CDH4: variants seen among roughly 807,000 people sequenced by gnomAD.
CDH4 encodes cadherin 4.
Under a neutral mutation model 86.0 loss-of-function variants are expected in CDH4, and 33 were observed. That is an observed-to-expected ratio of 0.38 (90% CI 0.29 to 0.51). The LOEUF (loss-of-function observed/expected upper bound fraction) is 0.51. Ranked by LOEUF, CDH4 falls within the 20% of genes least tolerant of loss-of-function variation. The pLI is 0.86. For synonymous variants in CDH4, 555 were observed against 549.4 expected (o/e 1.01, Z -0.14); for missense variants, 1,114 against 1,307.4 (o/e 0.85, Z 2.28).
At chr20:61,514,016 T>C (rs2085799131) in intron 2 of CDH4, among the ~76,000 whole-genome samples, 1 of 152,256 alleles carries the variant, frequency 6.6e-6, no homozygotes, top group African/African-American at 2.4e-5. Flanking sequence ...ACCTCCTGGC[T>C]GGCTTACAAG....
chr20:61,450,180 A>C (rs907194238), intron 2 of CDH4, among the ~76,000 whole-genome samples: 1 of 152,194 alleles, frequency 6.6e-6, no homozygotes, highest in African/African-American at 2.4e-5. Flanking sequence ...TGTTTAACCC[A>C]AGTCTGGTTC....
intron 2 of CDH4, among the ~76,000 whole-genome samples, chr20:61,387,192 A>T (rs2084956263): frequency 6.6e-6 from 1 of 152,182 alleles, no homozygotes; most frequent in Admixed American, 6.5e-5. Context: ...ACACAGACAC[A>T]CACACACAAA....
rs529808600 is a variant in CDH4, at chr20:61,562,784, G to C, written c.170-180779G>C. On this transcript the variant is annotated intron_variant, in intron 2 of 15. Transcript: ENST00000614565. ...AGCTTTAATTTAAAAAGTTAAATCG[G>C]CTCTCTTTATATGTAAATCGTGGTT... is the stretch of plus-strand genomic sequence containing the variant. Among the ~76,000 whole-genome samples, 33 of 152,306 alleles carry C rather than the reference G, an allele frequency of 2.2e-4. 1 individual carries two copies. The highest frequency in any genetic ancestry group is 2.0e-3 in the Admixed American group (30 of 15,304).
At chr20:61,458,265 T>C (rs1460637503) in intron 2 of CDH4, among the ~76,000 whole-genome samples, 1 of 151,814 alleles carries the variant, frequency 6.6e-6, no homozygotes, top group Non-Finnish European at 1.5e-5. Flanking sequence ...TTGATGACAG[T>C]GCTGATGCTG....
intron 2 of CDH4, among the ~76,000 whole-genome samples, chr20:61,365,422 C>T (rs938019370): frequency 6.6e-6 from 1 of 152,046 alleles, no homozygotes; most frequent in Admixed American, 6.6e-5. Context: ...CTGAGTGGCT[C>T]ATAGTCAACA....
chr20:61,479,367 A>G (rs2085556929), intron 2 of CDH4, among the ~76,000 whole-genome samples: 1 of 151,054 alleles, frequency 6.6e-6, no homozygotes, highest in African/African-American at 2.4e-5. Context: ...CCACCCCACA[A>G]CAGGCCCCGG....
intron 2 of CDH4, among the ~76,000 whole-genome samples, chr20:61,386,523 T>C (rs1260941716): frequency 6.6e-6 from 1 of 152,180 alleles, no homozygotes; most frequent in Non-Finnish European, 1.5e-5. Flanking sequence ...GGTGGAATGA[T>C]GCGGGGGGCC....
intron 2 of CDH4, among the ~76,000 whole-genome samples, chr20:61,492,167 C>T (rs1282120314): frequency 2.3e-5 from 3 of 129,516 alleles, no homozygotes; most frequent in Admixed American, 7.8e-5. Context: ...TTGTTGGTGT[C>T]GATATTGTTG....
At chr20:61,333,165 G>A (rs559658596) in intron 2 of CDH4, among the ~76,000 whole-genome samples, 54 of 152,260 alleles carry the variant, frequency 3.5e-4, no homozygotes, top group South Asian at 1.0e-3. Flanking sequence ...ATAAAGAAAA[G>A]AAACAAAGGT....
rs965470230 is a variant in CDH4, at chr20:61,938,379, C to G, written c.*1436C>G. The stretch of plus-strand genomic sequence containing the variant: ...ACTGCATGAGAAAACTCAGAGGGTG[C>G]ATTCTCCCTCTGGCATGGCTGTGTC... On this transcript the variant is annotated 3_prime_UTR_variant, in exon 16 of 16. Transcript: ENST00000614565. The G allele has an allele frequency of 4.6e-5, 7 of 152,370 alleles. No homozygotes were observed. 9.4% of individuals were successfully genotyped at this position (152,370 alleles called of 1,614,324 possible).
rs1180740221 is a variant in CDH4 at position 61,652,979 on chromosome 20, C to T, written c.170-90584C>T. ...TTATTGATCATTCTTGGGTGTTTCTCGCAGAGGGGGATTTGGCAGGGTCAT... is the reference window on the plus strand; with the variant it reads ...TTATTGATCATTCTTGGGTGTTTCTTGCAGAGGGGGATTTGGCAGGGTCAT... On this transcript the variant is annotated intron_variant, in intron 2 of 15. Coordinates refer to ENST00000614565, the MANE Select transcript of CDH4 (RefSeq NM_001794.5). Among the ~76,000 whole-genome samples the T allele has an allele frequency of 5.3e-5, 5 of 94,558 alleles. 1 individual carries two copies. The highest frequency in any genetic ancestry group is 1.1e-4 in the Admixed American group (1 of 8,976). 62.0% of individuals were successfully genotyped at this position (94,558 alleles called of 152,430 possible).
At chr20:61,651,118 T>C (rs1372260196) in intron 2 of CDH4, among the ~76,000 whole-genome samples, 2 of 151,954 alleles carry the variant, frequency 1.3e-5, no homozygotes, top group Admixed American at 6.6e-5. Context: ...GTTAGCACCG[T>C]GCTTGGCCGT....
At chr20:61,529,330 C>G (rs1473411542) in intron 2 of CDH4, among the ~76,000 whole-genome samples, 2 of 152,166 alleles carry the variant, frequency 1.3e-5, no homozygotes, top group Non-Finnish European at 2.9e-5. Flanking sequence ...CATAATAAAA[C>G]TGGTAATAAA....
intron 2 of CDH4, among the ~76,000 whole-genome samples, chr20:61,646,997 G>A (rs138365483): frequency 5.9e-5 from 9 of 152,322 alleles, no homozygotes; most frequent in Non-Finnish European, 7.3e-5. Flanking sequence ...GCTCTCGAGC[G>A]TTTGCCTAGT....
Position 61,684,759 on chromosome 20 carries a change from C to T in CDH4, c.170-58804C>T, listed in dbSNP as rs1292408492. 6.6e-6 allele frequency among the ~76,000 whole-genome samples: 1 copy of T among 152,178 alleles called. No homozygotes were observed. On this transcript the variant is annotated intron_variant, in intron 2 of 15. Coordinates refer to ENST00000614565, the MANE Select transcript of CDH4 (RefSeq NM_001794.5). This position sits in a 1 kb window ranked among gnomAD's most constrained non-coding sequence, Gnocchi z 4.5. ...TGCCACACCCACCCAGCACAGCAGC[C>T]TCCCTCAATCTGCAGCCCACAGCCG...
intron 2 of CDH4, among the ~76,000 whole-genome samples, chr20:61,560,188 A>C (rs2086206431): frequency 6.6e-6 from 1 of 152,142 alleles, no homozygotes; most frequent in African/African-American, 2.4e-5. Flanking sequence ...CCAGACAGTG[A>C]ATCCCCCCAC....
intron 2 of CDH4, among the ~76,000 whole-genome samples, chr20:61,706,212 G>A (rs1406067773): frequency 6.6e-6 from 1 of 152,120 alleles, no homozygotes; most frequent in Non-Finnish European, 1.5e-5. Flanking sequence ...TTCCCGTGAG[G>A]CCCAGGACCC....
At chr20:61,301,544 C>T (rs1054086230) in intron 2 of CDH4, among the ~76,000 whole-genome samples, 2 of 152,244 alleles carry the variant, frequency 1.3e-5, no homozygotes, top group Admixed American at 6.5e-5. Flanking sequence ...CTTTTTAAGT[C>T]GTTTCAAGCG....
chr20:61,814,530 G>A (rs565583024), intron 4 of CDH4, among the ~76,000 whole-genome samples: 137 of 152,358 alleles, frequency 9.0e-4, no homozygotes, highest in African/African-American at 3.1e-3. Context: ...GTTTGTGCAA[G>A]AGATGGAAGG....
Sources: gnomAD v4.1 joint callset for allele counts (sites outside exome capture counted in the v4.1 genomes callset) on GRCh38, gnomAD v4.1.1 for gene constraint, Gnocchi (gnomAD v3.1) non-coding constraint, MANE v1.5 for transcripts, NCBI Gene and HGNC (gene_info 2026-07-23, HGNC 2026-07-21) for gene names.